POLR3G: variants seen among roughly 807,000 people sequenced by gnomAD.
POLR3G encodes the protein RNA polymerase III subunit G, also known as DNA-directed RNA polymerase III subunit RPC7.
A neutral mutation model predicts 30.1 loss-of-function variants in POLR3G; 28 were observed. The ratio of observed to expected loss-of-function variants is 0.93; its 90% CI spans 0.69 to 1.27. The LOEUF (loss-of-function observed/expected upper bound fraction) is 1.27, where lower values mean the gene tolerates loss of function less well. Ranked by LOEUF, POLR3G falls within the 50% of genes most tolerant of loss-of-function variation. The probability of loss-of-function intolerance (pLI) is 0.00; values close to 1 mark genes in which losing one functional copy is unlikely to be tolerated. For missense variants in POLR3G, 254 were observed against 264.6 expected (o/e 0.96, Z 0.28); for synonymous variants, 79 against 82.5 (o/e 0.96, Z 0.23).
chr5:90,474,467 G>C (rs1293262585), upstream of POLR3G: 12 of 623,198 alleles, frequency 1.9e-5, no homozygotes, highest in South Asian at 2.4e-4. Flanking sequence ...GAAGGACGCA[G>C]ACCGACGCTG....
intron 7 of POLR3G, among the ~76,000 whole-genome samples, chr5:90,508,410 C>T (rs1038132312): frequency 2.0e-5 from 3 of 151,516 alleles, no homozygotes; most frequent in Admixed American, 2.0e-4. Flanking sequence ...AACCATAGTC[C>T]TCCAGTCATT....
intron 5 of POLR3G, among the ~76,000 whole-genome samples, chr5:90,500,888 A>C (rs1212416844): frequency 2.0e-5 from 3 of 152,176 alleles, no homozygotes; most frequent in Non-Finnish European, 4.4e-5. Context: ...AAAGAGCTGT[A>C]ATACTCTTTG....
At chr5:90,499,140 G>A (rs577446202) in intron 5 of POLR3G, among the ~76,000 whole-genome samples, 2 of 152,260 alleles carry the variant, frequency 1.3e-5, no homozygotes, top group South Asian at 4.2e-4. Flanking sequence ...AATGGAGATA[G>A]CAGTCATTAT....
chr5:90,489,041 A>G (rs376066186), intron 3 of POLR3G, among the ~76,000 whole-genome samples: 2 of 152,282 alleles, frequency 1.3e-5, no homozygotes, highest in East Asian at 1.9e-4. Flanking sequence ...TCGTAGTGTC[A>G]TCTCATTCCA....
At chr5:90,480,676 C>CT (rs1411127173) in intron 1 of POLR3G, among the ~76,000 whole-genome samples, 4 of 152,070 alleles carry the variant, frequency 2.6e-5, no homozygotes, top group African/African-American at 7.2e-5. Context: ...GCCTAGGACT[C>CT]TATGTTTAGC....
chr5:90,502,132 G>A, intron 6 of POLR3G, 144 bp downstream of exon 6: 1 of 1,443,626 alleles, frequency 6.9e-7, no homozygotes, highest in South Asian at 1.5e-5. Flanking sequence ...TAAGGTAACT[G>A]GGAAGGTTTG....
chr5:90,499,890 G>A (rs548179269), intron 5 of POLR3G, among the ~76,000 whole-genome samples: 9 of 151,982 alleles, frequency 5.9e-5, no homozygotes, highest in East Asian at 3.9e-4. Flanking sequence ...CTTTTATACC[G>A]TTGGTTTTTA....
chr5:90,506,745 G>A (rs1752504208), intron 7 of POLR3G, 71 bp downstream of exon 7: 1 of 1,433,098 alleles, frequency 7.0e-7, no homozygotes, highest in East Asian at 2.4e-5. Flanking sequence ...TATAGAGTAT[G>A]TATTGAAATC....
intron 3 of POLR3G, among the ~76,000 whole-genome samples, chr5:90,489,161 A>T (rs2151905192): frequency 6.6e-6 from 1 of 152,294 alleles, no homozygotes; most frequent in African/African-American, 2.4e-5. Context: ...TTATAATTAT[A>T]GGAAGCATTT....
intron 5 of POLR3G, 117 bp downstream of exon 5, chr5:90,497,823 G>T: frequency 8.0e-7 from 1 of 1,253,668 alleles, no homozygotes; most frequent in Middle Eastern, 2.3e-4. Flanking sequence ...TTCTTATTTT[G>T]AGCCAGACAA....
chr5:90,495,656 C>G, intron 3 of POLR3G, 21 bp from the exon 4 acceptor site: 1 of 1,598,108 alleles, frequency 6.3e-7, no homozygotes. Flanking sequence ...CTAATGAGTT[C>G]TTTATTCTTT....
intron 4 of POLR3G, among the ~76,000 whole-genome samples, chr5:90,496,347 A>G (rs1751994380): frequency 6.6e-6 from 1 of 152,208 alleles, no homozygotes; most frequent in Non-Finnish European, 1.5e-5. Flanking sequence ...CACAATCACA[A>G]TTTTAATTTG....
chr5:90,495,543 G>A, intron 3 of POLR3G, 134 bp from the exon 4 acceptor site: 1 of 1,412,218 alleles, frequency 7.1e-7, no homozygotes. Flanking sequence ...ATTCTCTTAT[G>A]TACAAAGGTG....
chr5:90,504,899 T>C (rs764467978), intron 6 of POLR3G, among the ~76,000 whole-genome samples: 5 of 152,220 alleles, frequency 3.3e-5, no homozygotes, highest in Non-Finnish European at 7.3e-5. Context: ...CATCATATTG[T>C]AGTAATAACT....
intron 1 of POLR3G, among the ~76,000 whole-genome samples, chr5:90,477,385 A>G (rs1382599001): frequency 3.9e-5 from 6 of 152,202 alleles, no homozygotes; most frequent in African/African-American, 7.2e-5. Context: ...CCTAGACTGC[A>G]GAGTGGATTG....
At chr5:90,479,530 A>G (rs1751018354) in intron 1 of POLR3G, among the ~76,000 whole-genome samples, 1 of 152,216 alleles carries the variant, frequency 6.6e-6, no homozygotes, top group Non-Finnish European at 1.5e-5. Context: ...CCCCTTTGGA[A>G]AAGATCAATT....
At chr5:90,485,774 T>C in intron 2 of POLR3G, 90 bp downstream of exon 2, 1 of 864,830 alleles carries the variant, frequency 1.2e-6, no homozygotes, top group Non-Finnish European at 1.8e-6. Flanking sequence ...TGTATGATTA[T>C]AGCATCCTCA....
intron 5 of POLR3G, 75 bp downstream of exon 5, chr5:90,497,781 A>C: frequency 1.3e-6 from 2 of 1,509,164 alleles, no homozygotes; most frequent in Admixed American, 2.2e-5. Context: ...GGATTTGTCA[A>C]CCCAAAGTTA....
chr5:90,500,036 A>G (rs879791418), intron 5 of POLR3G, among the ~76,000 whole-genome samples: 1 of 152,164 alleles, frequency 6.6e-6, no homozygotes, highest in Non-Finnish European at 1.5e-5. Flanking sequence ...AATGTTTTCA[A>G]ATATGTTATC....
Sources: allele counts gnomAD v4.1 joint callset (sites outside exome capture counted in the v4.1 genomes callset), GRCh38; gene constraint gnomAD v4.1.1; transcripts MANE v1.5; gene names NCBI Gene and HGNC (gene_info 2026-07-23, HGNC 2026-07-21).